DISC1: variants seen among roughly 807,000 people sequenced by gnomAD.
DISC1 encodes disrupted in schizophrenia 1 protein.
A neutral mutation model predicts 84.5 loss-of-function variants in DISC1; 57 were observed. The observed-to-expected ratio is 0.67, with a 90% CI of 0.55 to 0.84. DISC1 has a LOEUF of 0.84. Among genes scored for constraint, DISC1 ranks in the 40% least tolerant of loss-of-function variants. The pLI is 0.00. For missense variants in DISC1, 1,000 were observed against 1,057.8 expected, an observed-to-expected ratio of 0.95 and a Z score of 0.76; for synonymous variants, 411 against 415.2, an observed-to-expected ratio of 0.99 and a Z score of 0.12.
At chr1:231,685,526 C>T (rs1437197862) in intron 1 of DISC1, among the ~76,000 whole-genome samples, 1 of 152,070 alleles carries the variant, frequency 6.6e-6, no homozygotes, top group Non-Finnish European at 1.5e-5. Flanking sequence ...GATCTTGGCT[C>T]ACTGCAACCT....
intron 9 of DISC1, among the ~76,000 whole-genome samples, chr1:231,833,867 C>T (rs1034049180): frequency 5.3e-5 from 8 of 152,170 alleles, no homozygotes; most frequent in Non-Finnish European, 8.8e-5. Flanking sequence ...TAATGAAGTC[C>T]TGTTGTGGGG....
At chr1:231,949,403 G>A (rs548975732) in intron 9 of DISC1, among the ~76,000 whole-genome samples, 1 of 152,292 alleles carries the variant, frequency 6.6e-6, no homozygotes, top group Admixed American at 6.5e-5. Flanking sequence ...TTTTGAGGTG[G>A]GAGTAAGGCC....
intron 10 of DISC1, among the ~76,000 whole-genome samples, chr1:231,989,562 A>G (rs1664910458): frequency 6.6e-6 from 1 of 152,220 alleles, no homozygotes; most frequent in Non-Finnish European, 1.5e-5. Context: ...AAGAATAACT[A>G]GCTTTTCCAA....
chr1:231,991,737 A>G (rs555537693), intron 10 of DISC1, among the ~76,000 whole-genome samples: 1 of 152,320 alleles, frequency 6.6e-6, no homozygotes, highest in Admixed American at 6.5e-5. Context: ...TTGAACATCA[A>G]CAAAAACACA....
intron 9 of DISC1, among the ~76,000 whole-genome samples, chr1:231,832,112 G>A (rs527946268): frequency 1.3e-5 from 2 of 152,070 alleles, no homozygotes; most frequent in Admixed American, 1.3e-4. Flanking sequence ...CAGGAACAGT[G>A]GTAATTGTGG....
chr1:231,785,071 A>G (rs2125554701), intron 6 of DISC1, among the ~76,000 whole-genome samples: 1 of 152,240 alleles, frequency 6.6e-6, no homozygotes, highest in South Asian at 2.1e-4. Context: ...CTGTGAGGAT[A>G]GAAGGGTCTA....
At chr1:231,894,670 G>A (rs2087538053) in intron 9 of DISC1, among the ~76,000 whole-genome samples, 1 of 151,762 alleles carries the variant, frequency 6.6e-6, no homozygotes, top group Non-Finnish European at 1.5e-5. Flanking sequence ...TGGTGTCAGA[G>A]ATATAATTTT....
chr1:231,763,556 C>G (rs1030039166), intron 4 of DISC1, among the ~76,000 whole-genome samples: 2 of 152,158 alleles, frequency 1.3e-5, no homozygotes, highest in Non-Finnish European at 1.5e-5. Flanking sequence ...TTTTCTGTAA[C>G]TGCTGTTTTC....
chr1:231,938,746 A>C lies in DISC1; in HGVS notation c.1982-20082A>C, dbSNP rs527457440. The stretch of plus-strand genomic sequence containing the variant: ...TCCACCCACCACCAATGGTCTTATG[A>C]TTCTAATAGCTTCAATTAATCCTAT... On this transcript the variant is annotated intron_variant, in intron 9 of 12. Coordinates refer to ENST00000439617, the MANE Select transcript of DISC1 (RefSeq NM_018662.3). Among the ~76,000 whole-genome samples the C allele has an allele frequency of 3.7e-4, 56 of 152,298 alleles. No individual in the cohort carries two copies. In the South Asian group the frequency reaches 6.0e-3, roughly 16 times the overall value.
chr1:232,035,422 G>A (rs962972928), intron 12 of DISC1, among the ~76,000 whole-genome samples: 9 of 152,190 alleles, frequency 5.9e-5, no homozygotes, highest in African/African-American at 2.2e-4. Flanking sequence ...TCCAGCCTGG[G>A]CTACAAGTGC....
intron 1 of DISC1, among the ~76,000 whole-genome samples, chr1:231,676,272 A>G (rs2063147120): frequency 6.6e-6 from 1 of 152,254 alleles, no homozygotes; most frequent in African/African-American, 2.4e-5. Context: ...GCTATCATCC[A>G]TTATGTTGAA....
At chr1:231,751,057 G>A (rs2074554888) in intron 4 of DISC1, among the ~76,000 whole-genome samples, 1 of 152,204 alleles carries the variant, frequency 6.6e-6, no homozygotes, top group South Asian at 2.1e-4. Flanking sequence ...CACCTGGTAG[G>A]TGCTTCCTTA....
chr1:231,870,828 C>T (rs2085403851), intron 9 of DISC1, among the ~76,000 whole-genome samples: 1 of 152,116 alleles, frequency 6.6e-6, no homozygotes, highest in Non-Finnish European at 1.5e-5. Context: ...TGAGATATGC[C>T]TGGTGAAATG....
intron 9 of DISC1, among the ~76,000 whole-genome samples, chr1:231,941,339 C>T (rs181373828): frequency 6.6e-5 from 10 of 152,244 alleles, no homozygotes; most frequent in African/African-American, 2.2e-4. Flanking sequence ...GGCTTTCCTA[C>T]CTTCCTTTTT....
At chr1:231,935,202 CAG>C (rs1430139246) in intron 9 of DISC1, among the ~76,000 whole-genome samples, 2 of 152,166 alleles carry the variant, frequency 1.3e-5, no homozygotes, top group Admixed American at 1.3e-4. Flanking sequence ...TGACATCTAA[CAG>C]GGGAAAACAA....
At chr1:231,958,142 G>A (rs1659841338) in intron 9 of DISC1, among the ~76,000 whole-genome samples, 1 of 152,178 alleles carries the variant, frequency 6.6e-6, no homozygotes, top group African/African-American at 2.4e-5. Flanking sequence ...TTGAGAGGAA[G>A]GCACCTTCAT....
intron 9 of DISC1, among the ~76,000 whole-genome samples, chr1:231,921,073 AT>A (rs975628780): frequency 0.01 from 1,476 of 141,790 alleles, 12 homozygotes; most frequent in African/African-American, 0.023. Flanking sequence ...AGCCTGGCTA[AT>A]TTTTTTTTTT....
intron 9 of DISC1, among the ~76,000 whole-genome samples, chr1:231,907,238 A>G (rs2088807173): frequency 6.6e-6 from 1 of 150,918 alleles, no homozygotes; most frequent in South Asian, 2.1e-4. Context: ...ACATATGTAT[A>G]CATGTGCCAT....
chr1:231,996,416 C>T (rs1255421556), intron 10 of DISC1, among the ~76,000 whole-genome samples: 1 of 152,152 alleles, frequency 6.6e-6, no homozygotes, highest in African/African-American at 2.4e-5. Flanking sequence ...AGTCCTTGCC[C>T]ATGCCTGTGT....
Sources: allele counts gnomAD v4.1 joint callset (sites outside exome capture counted in the v4.1 genomes callset), GRCh38; gene constraint gnomAD v4.1.1; transcripts MANE v1.5; gene names NCBI Gene and HGNC (gene_info 2026-07-23, HGNC 2026-07-21).